The following ZFYVE28 variants were observed in gnomAD, a reference collection of about 807,000 sequenced individuals.
ZFYVE28 encodes the protein zinc finger FYVE-type containing 28, also known as lateral signaling target protein 2 homolog.
Under a neutral mutation model 82.1 loss-of-function variants are expected in ZFYVE28, and 40 were observed. The ratio of observed to expected loss-of-function variants is 0.49; its 90% CI spans 0.38 to 0.63. The LOEUF is 0.63. ZFYVE28 is among the 30% of genes least tolerant of loss of function. The pLI, the probability that ZFYVE28 is intolerant of heterozygous loss-of-function variation, is 0.00. For missense variants in ZFYVE28, 1,321 were observed against 1,242.1 expected (o/e 1.06, Z -0.96); for synonymous variants, 612 against 546.1 (o/e 1.12, Z -1.68).
At chr4:2,283,126 A>G (rs1204810542) in intron 8 of ZFYVE28, among the ~76,000 whole-genome samples, 6 of 150,258 alleles carry the variant, frequency 4.0e-5, no homozygotes, top group Admixed American at 1.3e-4. Flanking sequence ...CCACCCACCC[A>G]CTCATCCATT....
chr4:2,307,605 C>T (rs966952831), intron 7 of ZFYVE28, among the ~76,000 whole-genome samples: 1 of 152,162 alleles, frequency 6.6e-6, no homozygotes, highest in East Asian at 1.9e-4. Context: ...GCCTCAGCCT[C>T]CTGAGCAGCT....
intron 7 of ZFYVE28, among the ~76,000 whole-genome samples, chr4:2,315,395 C>T (rs1718058167): frequency 6.6e-6 from 1 of 152,078 alleles, no homozygotes; most frequent in Admixed American, 6.6e-5. Context: ...AAGTGATTCT[C>T]GTGTCTCAGC....
rs1164085005 is a variant in ZFYVE28, at chr4:2,408,513, C to T, written c.39+9772G>A. On this transcript the variant is annotated intron_variant, in intron 1 of 12. Coordinates refer to ENST00000290974, the MANE Select transcript of ZFYVE28 (RefSeq NM_020972.3). This position sits in a 1 kb window ranked among gnomAD's most constrained non-coding sequence, Gnocchi z 4.3. ...GGGCCTGCCTGACAGCTGCACCAGC[C>T]GGGGTGGACCAAAGGCCGCAGATGG... Among the ~76,000 whole-genome samples the T allele has an allele frequency of 1.3e-5, 2 of 152,224 alleles. No homozygotes were observed. The highest frequency in any genetic ancestry group is 2.9e-5 in the Non-Finnish European group (2 of 68,036).
At chr4:2,285,956 G>GACATTGTCTTGGAGCACCC (rs1712665430) in intron 8 of ZFYVE28, 1 of 152,378 alleles carries the variant, frequency 6.6e-6, no homozygotes. Flanking sequence ...ACCCTCCAAT[G>GACATTGTCTTGGAGCACCC]TCCATATTCC....
rs1396226839 is a variant in ZFYVE28, at chr4:2,320,938, A to G, written c.702-667T>C. ...CCGGCTCAAAGCCTGCTGAAGGACA[A>G]GCTTCCCAGATGCCACCTCCAGTGG... is the stretch of plus-strand genomic sequence containing the variant. On this transcript the variant is annotated intron_variant, in intron 6 of 12. Coordinates refer to ENST00000290974, the MANE Select transcript of ZFYVE28 (RefSeq NM_020972.3). This position sits in a 1 kb window ranked among gnomAD's most constrained non-coding sequence, Gnocchi z 5.1. Among the ~76,000 whole-genome samples, 2 of 152,086 alleles carry G rather than the reference A, an allele frequency of 1.3e-5. No homozygotes were observed.
chr4:2,282,406 T>C lies in ZFYVE28; in HGVS notation c.2052-8190A>G, dbSNP rs149756582. Reference sequence around the variant, plus strand: ...CAGGACAGTGGCCAGGTTTCCAAAGTGCTCCTCTTGAACAGCACACAGGGG... The same window carrying C: ...CAGGACAGTGGCCAGGTTTCCAAAGCGCTCCTCTTGAACAGCACACAGGGG... On this transcript the variant is annotated intron_variant, in intron 8 of 12. Coordinates refer to ENST00000290974, the MANE Select transcript of ZFYVE28 (RefSeq NM_020972.3). Among the ~76,000 whole-genome samples the C allele has an allele frequency of 3.4e-3, 514 of 152,310 alleles. 1 individual carries two copies. The highest frequency in any genetic ancestry group is 0.012 in the African/African-American group (501 of 41,568).
chr4:2,278,941 CAA>C (rs61079376), intron 8 of ZFYVE28, among the ~76,000 whole-genome samples: 1 of 126,548 alleles, frequency 7.9e-6, no homozygotes. Flanking sequence ...CCCCCCCCCT[CAA>C]AAAAAAAAAA....
chr4:2,377,171 G>A lies in ZFYVE28; in HGVS notation c.40-23098C>T, dbSNP rs953289762. The stretch of plus-strand genomic sequence containing the variant: ...CGAGTAGCTGGGATTACAGGCGCCC[G>A]CTACCACGCCCAGCTAATTTTTTGT... On this transcript the variant is annotated intron_variant, in intron 1 of 12. Transcript: ENST00000290974. Among the ~76,000 whole-genome samples, 42 of 151,876 alleles carry A rather than the reference G, an allele frequency of 2.8e-4. 1 individual carries two copies. Among genetic ancestry groups the A allele is most frequent in the East Asian group, 3.9e-4 (2 of 5,130 alleles).
chr4:2,400,668 C>T (rs1236141734), intron 1 of ZFYVE28, among the ~76,000 whole-genome samples: 2 of 152,116 alleles, frequency 1.3e-5, no homozygotes, highest in Admixed American at 6.5e-5. Context: ...AACAGAAGAA[C>T]CTGGAGGCCG....
chr4:2,361,401 C>A (rs1342751129), intron 1 of ZFYVE28, among the ~76,000 whole-genome samples: 2 of 152,220 alleles, frequency 1.3e-5, no homozygotes, highest in Non-Finnish European at 1.5e-5. Context: ...GGGTTGGAGG[C>A]ACGTGCAGGG....
At chr4:2,336,581 AAAG>A (rs1721735279) in intron 5 of ZFYVE28, among the ~76,000 whole-genome samples, 1 of 152,144 alleles carries the variant, frequency 6.6e-6, no homozygotes, top group African/African-American at 2.4e-5. Flanking sequence ...ACTCCCTAAA[AAAG>A]AAACACTTGT....
intron 1 of ZFYVE28, 138 bp from the exon 2 acceptor site, chr4:2,354,211 C>A (rs1724907652): frequency 6.1e-6 from 6 of 985,578 alleles, no homozygotes; most frequent in Non-Finnish European, 8.4e-6. Context: ...CTTTTATCAG[C>A]TTTCCACACC....
At chr4:2,376,849 C>T (rs1728195904) in intron 1 of ZFYVE28, among the ~76,000 whole-genome samples, 1 of 151,944 alleles carries the variant, frequency 6.6e-6, no homozygotes, top group South Asian at 2.1e-4. Context: ...TTCCTTGAGC[C>T]CAGGAGGTTT....
At chr4:2,375,701 G>A (rs973502079) in intron 1 of ZFYVE28, among the ~76,000 whole-genome samples, 1 of 152,108 alleles carries the variant, frequency 6.6e-6, no homozygotes, top group Admixed American at 6.6e-5. Flanking sequence ...TCTTATCACA[G>A]GCTGAGAAAG....
intron 8 of ZFYVE28, among the ~76,000 whole-genome samples, chr4:2,301,037 C>A (rs143213032): frequency 2.0e-5 from 3 of 152,346 alleles, no homozygotes; most frequent in East Asian, 3.9e-4. Flanking sequence ...TAACACCAGC[C>A]ATGCTTCCTG....
At chr4:2,352,198 G>A (rs1226939250) in intron 2 of ZFYVE28, among the ~76,000 whole-genome samples, 1 of 152,172 alleles carries the variant, frequency 6.6e-6, no homozygotes, top group Non-Finnish European at 1.5e-5. Flanking sequence ...CGTAAGGTGG[G>A]CCCTGTGAGA....
chr4:2,393,088 G>C (rs1381115895), intron 1 of ZFYVE28, among the ~76,000 whole-genome samples: 1 of 152,180 alleles, frequency 6.6e-6, no homozygotes, highest in Non-Finnish European at 1.5e-5. Flanking sequence ...CCTCCTTTGA[G>C]GACGCTGTCA....
chr4:2,368,675 G>A (rs1445009070), intron 1 of ZFYVE28, among the ~76,000 whole-genome samples: 3 of 152,214 alleles, frequency 2.0e-5, no homozygotes, highest in African/African-American at 7.2e-5. Context: ...CTTCCTGTGT[G>A]CCACTGTGTG....
chr4:2,310,762 C>T (rs1202296424), intron 7 of ZFYVE28, among the ~76,000 whole-genome samples: 2 of 152,118 alleles, frequency 1.3e-5, no homozygotes, highest in African/African-American at 2.4e-5. Flanking sequence ...CTAGATTGTG[C>T]CACCACACTC....
Sources: allele counts gnomAD v4.1 joint callset (sites outside exome capture counted in the v4.1 genomes callset), GRCh38; gene constraint gnomAD v4.1.1; non-coding constraint Gnocchi (gnomAD v3.1); transcripts MANE v1.5; gene names NCBI Gene and HGNC (gene_info 2026-07-23, HGNC 2026-07-21).